The following DCC variants were observed in gnomAD, a reference collection of about 807,000 sequenced individuals.
The protein encoded by DCC is netrin receptor DCC.
Under a neutral mutation model 172.5 loss-of-function variants are expected in DCC, and 58 were observed. The observed-to-expected ratio is 0.34, with a 90% CI of 0.27 to 0.42. The LOEUF (loss-of-function observed/expected upper bound fraction) is 0.42, where lower values mean the gene tolerates loss of function less well. DCC is among the 10% of genes least tolerant of loss of function. DCC has a pLI of 1.00. For missense variants in DCC, 1,740 were observed against 1,791.0 expected (o/e 0.97, Z 0.51); for synonymous variants, 709 against 644.5 (o/e 1.10, Z -1.52).
At chr18:52,610,685 T>A (rs1213286298) in intron 1 of DCC, among the ~76,000 whole-genome samples, 2 of 152,128 alleles carry the variant, frequency 1.3e-5, no homozygotes, top group Non-Finnish European at 2.9e-5. Flanking sequence ...GCCGCTTTGG[T>A]GACAGCCCTG....
At chr18:53,337,342 G>C (rs1448844092) in intron 14 of DCC, among the ~76,000 whole-genome samples, 1 of 152,182 alleles carries the variant, frequency 6.6e-6, no homozygotes, top group African/African-American at 2.4e-5. Flanking sequence ...TGTTTTAATA[G>C]TTAGTGCAAA....
At chr18:52,571,619 C>T (rs1033751307) in intron 1 of DCC, among the ~76,000 whole-genome samples, 8 of 152,154 alleles carry the variant, frequency 5.3e-5, no homozygotes, top group Non-Finnish European at 1.2e-4. Context: ...GCCTCTTGTT[C>T]CCATCAGCGG....
intron 7 of DCC, among the ~76,000 whole-genome samples, chr18:53,105,720 C>T (rs955998916): frequency 6.6e-6 from 1 of 151,730 alleles, no homozygotes; most frequent in Non-Finnish European, 1.5e-5. Flanking sequence ...CGTGCATATC[C>T]CATTTTTAGA....
rs373923270 is a variant in DCC, at chr18:53,312,606, A to G, written c.2053+6887A>G. 5.3e-5 allele frequency among the ~76,000 whole-genome samples: 8 copies of G among 151,504 alleles called. No homozygotes were observed. The East Asian group carries it at 1.2e-3, about 23-fold the overall frequency. On this transcript the variant is annotated intron_variant, in intron 13 of 28. Transcript: ENST00000442544. Reference sequence around the variant, plus strand: ...AGCATTTTGGGAGACCGAGGAGGGCAGATCAGGAGGTCAGGAGATCGAGAA... The same window carrying G: ...AGCATTTTGGGAGACCGAGGAGGGCGGATCAGGAGGTCAGGAGATCGAGAA...
rs545473927 is a variant in DCC at position 52,442,369 on chromosome 18, C to A, written c.91+101491C>A. Among the ~76,000 whole-genome samples the A allele has an allele frequency of 2.6e-5, 4 of 152,146 alleles. 1 individual carries two copies. Among genetic ancestry groups the A allele is most frequent in the African/African-American group, 9.6e-5 (4 of 41,510 alleles). On this transcript the variant is annotated intron_variant, in intron 1 of 28. Transcript: ENST00000442544. ...GCACTTGTGTCAATTAAATGAAGAC[C>A]AATGAAGATGATAACTTCTAATGTC...
At chr18:53,477,435 A>G (rs1439944190) in intron 25 of DCC, among the ~76,000 whole-genome samples, 1 of 152,176 alleles carries the variant, frequency 6.6e-6, no homozygotes, top group Non-Finnish European at 1.5e-5. Context: ...TATTCAGGAG[A>G]GTAGATAAAT....
intron 1 of DCC, among the ~76,000 whole-genome samples, chr18:52,378,380 C>A (rs1389169477): frequency 1.3e-5 from 2 of 151,840 alleles, no homozygotes; most frequent in Non-Finnish European, 1.5e-5. Context: ...ACTTAAGCAT[C>A]CTTACATTGT....
intron 2 of DCC, among the ~76,000 whole-genome samples, chr18:52,824,891 A>C (rs1444011871): frequency 6.6e-6 from 1 of 151,930 alleles, no homozygotes; most frequent in East Asian, 1.9e-4. Flanking sequence ...AATCACTTGA[A>C]CCCAGGACAC....
chr18:53,426,243 T>TTATATATTTATATATAAATACA (rs1325413832), intron 21 of DCC, among the ~76,000 whole-genome samples: 2 of 145,786 alleles, frequency 1.4e-5, no homozygotes, highest in African/African-American at 5.0e-5. Context: ...GTCTGTGTAT[T>TTATATATTTATATATAAATACA]TATATATTTA....
chr18:52,551,405 TAAAG>T (rs993842588), intron 1 of DCC, among the ~76,000 whole-genome samples: 7 of 151,792 alleles, frequency 4.6e-5, no homozygotes, highest in African/African-American at 1.7e-4. Flanking sequence ...TGGAGAAAAA[TAAAG>T]AAAACCTCAG....
At chr18:52,985,328 ATACT>A (rs1291674911) in intron 5 of DCC, among the ~76,000 whole-genome samples, 3 of 152,188 alleles carry the variant, frequency 2.0e-5, no homozygotes, top group Admixed American at 1.3e-4. Flanking sequence ...TATTTTCATC[ATACT>A]TACTTAATAG....
chr18:53,432,274 G>A (rs1911667059), intron 21 of DCC, among the ~76,000 whole-genome samples: 1 of 151,984 alleles, frequency 6.6e-6, no homozygotes, highest in South Asian at 2.1e-4. Flanking sequence ...ACCATAAATA[G>A]GCCTGCATAG....
chr18:52,819,093 T>C (rs2038357043), intron 2 of DCC, among the ~76,000 whole-genome samples: 2 of 152,206 alleles, frequency 1.3e-5, no homozygotes. Context: ...ACAGTCGTTT[T>C]ACAGAAATAT....
chr18:53,017,065 T>TC (rs2041816703), intron 5 of DCC, among the ~76,000 whole-genome samples: 1 of 151,142 alleles, frequency 6.6e-6, no homozygotes, highest in Non-Finnish European at 1.5e-5. Flanking sequence ...TATGTTTTTT[T>TC]TTTCTTTTTC....
At chr18:52,712,931 G>C (rs368629051) in intron 1 of DCC, among the ~76,000 whole-genome samples, 42 of 152,280 alleles carry the variant, frequency 2.8e-4, no homozygotes, top group African/African-American at 1.0e-3. Flanking sequence ...TCATATTTCT[G>C]TTGCTGTTCT....
At chr18:53,445,319 G>T (rs1237664956) in intron 22 of DCC, among the ~76,000 whole-genome samples, 1 of 152,178 alleles carries the variant, frequency 6.6e-6, no homozygotes. Context: ...CATTATCAGG[G>T]TAAACTGCAA....
chr18:53,228,862 G>A (rs773141602), intron 12 of DCC, among the ~76,000 whole-genome samples: 1 of 152,076 alleles, frequency 6.6e-6, no homozygotes, highest in Non-Finnish European at 1.5e-5. Flanking sequence ...CTCTTCTAGT[G>A]CATTATTAGT....
chr18:53,351,958 T>G (rs138831178), intron 15 of DCC, among the ~76,000 whole-genome samples: 13 of 152,108 alleles, frequency 8.5e-5, no homozygotes, highest in African/African-American at 2.9e-4. Context: ...TGTTAAATTT[T>G]TTCAAAGTTA....
intron 1 of DCC, among the ~76,000 whole-genome samples, chr18:52,344,841 C>T (rs1376069590): frequency 4.6e-5 from 7 of 152,096 alleles, no homozygotes; most frequent in East Asian, 1.9e-4. Flanking sequence ...CAGTTGTTTC[C>T]GGGTATTTCT....
Sources: allele counts gnomAD v4.1 joint callset (sites outside exome capture counted in the v4.1 genomes callset), GRCh38; gene constraint gnomAD v4.1.1; transcripts MANE v1.5; gene names NCBI Gene and HGNC (gene_info 2026-07-23, HGNC 2026-07-21).